Variants in PRKCQ observed in about 807,000 individuals in gnomAD.
The protein encoded by PRKCQ is protein kinase C theta, also known as protein kinase C theta type.
A neutral mutation model predicts 91.2 loss-of-function variants in PRKCQ; 41 were observed. The ratio of observed to expected loss-of-function variants is 0.45; its 90% confidence interval spans 0.35 to 0.58. The LOEUF is 0.58. Ranked by LOEUF, PRKCQ falls within the 20% of genes least tolerant of loss-of-function variation. PRKCQ has a pLI of 0.00. For synonymous variants in PRKCQ, 307 were observed against 316.9 expected (o/e 0.97, Z 0.33); for missense variants, 673 against 896.5 (o/e 0.75, Z 3.18).
chr10:6,431,026 C>A, intron 16 of PRKCQ, 88 bp from the exon 17 acceptor site: 1 of 1,482,378 alleles, frequency 6.7e-7, no homozygotes, highest in East Asian at 2.4e-5. Flanking sequence ...TGCACCAGCC[C>A]CTTCTTTTCT....
At chr10:6,520,533 G>A (rs1438373266) in intron 1 of PRKCQ, among the ~76,000 whole-genome samples, 1 of 152,096 alleles carries the variant, frequency 6.6e-6, no homozygotes, top group African/African-American at 2.4e-5. Flanking sequence ...CAGCCTTCTA[G>A]GAAAGCTGCA....
At chr10:6,526,830 G>C (rs1483886689) in intron 1 of PRKCQ, among the ~76,000 whole-genome samples, 1 of 152,168 alleles carries the variant, frequency 6.6e-6, no homozygotes, top group East Asian at 1.9e-4. Context: ...CTAGAAAGGG[G>C]GTACCCTGGT....
At chr10:6,571,057 G>A (rs1402842850) in intron 1 of PRKCQ, among the ~76,000 whole-genome samples, 2 of 152,102 alleles carry the variant, frequency 1.3e-5, no homozygotes, top group Non-Finnish European at 2.9e-5. Flanking sequence ...AGAAGCTGCC[G>A]TGGGAAGGAA....
intron 1 of PRKCQ, among the ~76,000 whole-genome samples, chr10:6,531,793 G>A (rs935418869): frequency 3.4e-4 from 52 of 152,116 alleles, no homozygotes; most frequent in African/African-American, 1.2e-3. Flanking sequence ...AAATCAGTTA[G>A]TGGATCTGTT....
At chr10:6,461,458 A>G (rs550447795) in intron 14 of PRKCQ, among the ~76,000 whole-genome samples, 1 of 152,256 alleles carries the variant, frequency 6.6e-6, no homozygotes, top group Non-Finnish European at 1.5e-5. Flanking sequence ...AAAAATTATA[A>G]AACAGATTCT....
Position 6,497,269 on chromosome 10 carries a change from C to G in PRKCQ, c.543-18G>C, listed in dbSNP as rs751741500. ...TCAGGCCCCTGTAATAAAGCACACG[C>G]TGATTTATTTCAATGTTGGCATCAA... On this transcript the variant is annotated intron_variant, in intron 5 of 17. Transcript: ENST00000263125. The surrounding 1 kb of genome is among the most constrained non-coding windows in gnomAD (Gnocchi z 4.5). 6.2e-6 allele frequency: 10 copies of G among 1,613,940 alleles called. No homozygotes were observed. Among genetic ancestry groups the G allele is most frequent in the Non-Finnish European group, 7.6e-6 (9 of 1,179,984 alleles).
rs756379796 is a variant in PRKCQ at position 6,540,225 on chromosome 10, T to C, written c.-9-25081A>G. Among the ~76,000 whole-genome samples the C allele has an allele frequency of 4.6e-5, 7 of 152,358 alleles. No homozygotes were observed. In the Middle Eastern group the frequency reaches 0.01, roughly 222 times the overall value. On this transcript the variant is annotated intron_variant, in intron 1 of 17. Transcript: ENST00000263125. ...ATGTTTAATAACCTTTTTATTGTGG[T>C]AAAATATATACAATATAAAATGTAT...
intron 14 of PRKCQ, 39 bp downstream of exon 14, chr10:6,462,264 C>CCGA (rs777570954): frequency 1.3e-6 from 2 of 1,566,424 alleles, no homozygotes; most frequent in Non-Finnish European, 1.8e-6. Context: ...GCCAGGAAAG[C>CCGA]CGATATCTTA....
intron 8 of PRKCQ, among the ~76,000 whole-genome samples, chr10:6,487,535 C>T (rs1383642041): frequency 6.6e-6 from 1 of 152,040 alleles, no homozygotes; most frequent in Non-Finnish European, 1.5e-5. Context: ...CTTGGGGATC[C>T]TACAATTCAG....
intron 10 of PRKCQ, 95 bp downstream of exon 10, chr10:6,485,057 C>G: frequency 9.3e-7 from 1 of 1,079,240 alleles, no homozygotes; most frequent in Middle Eastern, 2.0e-4. Flanking sequence ...ACCTATCAGA[C>G]CAGGTAAGCT....
At chr10:6,403,854 A>G in the PRKCQ span, among the ~76,000 whole-genome samples, 14 of 152,220 alleles carry the variant, frequency 9.2e-5, no homozygotes, top group Admixed American at 7.9e-4. Context: ...ATGAATGAGT[A>G]ATCATTAGCC....
Position 6,520,965 on chromosome 10 carries a change from G to A in PRKCQ, c.-9-5821C>T, listed in dbSNP as rs141301384. Among the ~76,000 whole-genome samples, 8 of 152,300 alleles carry A rather than the reference G, an allele frequency of 5.3e-5. No individual in the cohort carries two copies. In the East Asian group the frequency reaches 1.3e-3, roughly 26 times the overall value. On this transcript the variant is annotated intron_variant, in intron 1 of 17. Coordinates refer to ENST00000263125, the MANE Select transcript of PRKCQ (RefSeq NM_006257.5). ...ACATTCAGCAAAAACTCCTCAGAAC[G>A]AGTGCATTTGGGTGCCTTACTTCCC...
the PRKCQ span, among the ~76,000 whole-genome samples, chr10:6,394,996 G>A: frequency 6.6e-6 from 1 of 151,652 alleles, no homozygotes; most frequent in Admixed American, 6.6e-5. Flanking sequence ...TATCAAGACG[G>A]GGGAATTGCA....
At chr10:6,555,357 A>G (rs1201322837) in intron 1 of PRKCQ, among the ~76,000 whole-genome samples, 2 of 152,208 alleles carry the variant, frequency 1.3e-5, no homozygotes, top group African/African-American at 2.4e-5. Context: ...CAGACTGGTT[A>G]TTTGTATACA....
chr10:6,507,406 C>T, intron 4 of PRKCQ, 30 bp downstream of exon 4: 3 of 1,597,310 alleles, frequency 1.9e-6, no homozygotes, highest in Non-Finnish European at 2.6e-6. Context: ...CCCTCCTCAC[C>T]CCCAAACAGG....
Position 6,505,545 on chromosome 10 carries a change from CTTCT to C in PRKCQ, c.379+1887_379+1890del, listed in dbSNP as rs1244103462. Among the ~76,000 whole-genome samples the C allele has an allele frequency of 2.5e-3, 338 of 134,852 alleles. 2 individuals are homozygous for C. The highest frequency in any genetic ancestry group is 7.9e-3 in the Middle Eastern group (2 of 254). The allele number at this position is 134,852 out of a possible 152,430, so 88.5% of individuals were successfully genotyped here. ...TTCTTTCTTTCTTTTTCTTTCTTTT[CTTCT>C]TTCTTTCTTTCTCCTTCCCTTCCCC... is the stretch of plus-strand genomic sequence containing the variant. On this transcript the variant is annotated intron_variant, in intron 4 of 17. Transcript: ENST00000263125.
At chr10:6,439,220 C>T (rs1475350632) in intron 16 of PRKCQ, among the ~76,000 whole-genome samples, 6 of 152,198 alleles carry the variant, frequency 3.9e-5, no homozygotes, top group South Asian at 2.1e-4. Flanking sequence ...ACCTGTAATA[C>T]TGTGCCTGTA....
the PRKCQ span, among the ~76,000 whole-genome samples, chr10:6,419,089 C>T: frequency 6.6e-6 from 1 of 151,920 alleles, no homozygotes; most frequent in Non-Finnish European, 1.5e-5. Context: ...CAATCATCTA[C>T]CTCTGTATTA....
rs753439308 is a variant in PRKCQ at position 6,430,990 on chromosome 10, C to G, written c.1837-52G>C. On this transcript the variant is annotated intron_variant, in intron 16 of 17. Transcript: ENST00000263125. The surrounding 1 kb of genome is among the most constrained non-coding windows in gnomAD (Gnocchi z 4.7). ...GAGGTCTCCAGGGATGACCCTTTTG[C>G]ATCAGGAGGTCGTGGTGCTTCCTGG... The G allele has an allele frequency of 4.4e-6, 7 of 1,585,708 alleles. No individual in the cohort carries two copies. In the South Asian group the frequency reaches 7.9e-5, roughly 18 times the overall value.
Sources: allele counts gnomAD v4.1 joint callset (sites outside exome capture counted in the v4.1 genomes callset), GRCh38; gene constraint gnomAD v4.1.1; non-coding constraint Gnocchi (gnomAD v3.1); transcripts MANE v1.5; gene names NCBI Gene and HGNC (gene_info 2026-07-23, HGNC 2026-07-21).